DCP1A: variants seen among roughly 807,000 people sequenced by gnomAD.
The protein encoded by DCP1A is decapping mRNA 1A, also known as mRNA-decapping enzyme 1A.
Under a neutral mutation model 58.0 loss-of-function variants are expected in DCP1A, and 20 were observed. The ratio of observed to expected loss-of-function variants is 0.34; its 90% CI spans 0.24 to 0.50. The LOEUF (loss-of-function observed/expected upper bound fraction) is 0.50, where lower values mean the gene tolerates loss of function less well. Ranked by LOEUF, DCP1A falls within the 20% of genes least tolerant of loss-of-function variation. The probability of loss-of-function intolerance (pLI) is 0.98; values close to 1 mark genes in which losing one functional copy is unlikely to be tolerated. For missense variants in DCP1A, 613 were observed against 712.2 expected, an observed-to-expected ratio of 0.86 and a Z score of 1.59; for synonymous variants, 285 against 275.1, an observed-to-expected ratio of 1.04 and a Z score of -0.36.
At chr3:53,314,833 G>A (rs141233085) in intron 4 of DCP1A, among the ~76,000 whole-genome samples, 4 of 151,452 alleles carry the variant, frequency 2.6e-5, no homozygotes, top group Non-Finnish European at 5.9e-5. Flanking sequence ...TATCATGCCC[G>A]GCTAATTTTT....
intron 3 of DCP1A, among the ~76,000 whole-genome samples, chr3:53,337,778 CAT>C (rs1553692097): frequency 6.6e-6 from 1 of 152,224 alleles, no homozygotes; most frequent in African/African-American, 2.4e-5. Context: ...CATGTTAGCA[CAT>C]GAGCTCATGC....
Position 53,292,128 on chromosome 3 carries a change from C to T in DCP1A, c.1324G>A (p.Ala442Thr), listed in dbSNP as rs1553686079. The T allele has an allele frequency of 1.2e-6, 2 of 1,613,878 alleles. No homozygotes were observed. The highest frequency in any genetic ancestry group is 3.3e-5 in the Admixed American group (2 of 60,008). The change falls in exon 7 of 10, where the codon GCA (alanine) becomes ACA (threonine). Residue 442 changes from alanine (A) to threonine (T), a missense_variant. Coordinates refer to ENST00000610213, the MANE Select transcript of DCP1A (RefSeq NM_018403.7). Reference sequence around the variant, plus strand: ...GCTGAGGCCGCCACTCTTGCTGCTGCTGTCTTAGAGGGAGGCTCTATGAAG... The same window carrying T: ...GCTGAGGCCGCCACTCTTGCTGCTGTTGTCTTAGAGGGAGGCTCTATGAAG... ...ESFIEPPSKT[A>T]AARVAASASL...
intron 6 of DCP1A, among the ~76,000 whole-genome samples, chr3:53,294,142 A>G (rs1707033011): frequency 2.0e-5 from 3 of 152,204 alleles, no homozygotes; most frequent in Admixed American, 2.0e-4. Flanking sequence ...TATCTGAGAC[A>G]CGTTAGAGGA....
intron 1 of DCP1A, among the ~76,000 whole-genome samples, chr3:53,346,786 G>A (rs1456438197): frequency 1.3e-5 from 2 of 152,148 alleles, no homozygotes; most frequent in Non-Finnish European, 2.9e-5. Flanking sequence ...CGGGGATCCA[G>A]TGAACACGGA....
At chr3:53,319,199 T>G (rs1465650185) in intron 4 of DCP1A, among the ~76,000 whole-genome samples, 1 of 152,184 alleles carries the variant, frequency 6.6e-6, no homozygotes, top group African/African-American at 2.4e-5. Flanking sequence ...GAAGGAAGAC[T>G]GGAAGGAAAC....
intron 8 of DCP1A, chr3:53,290,525 AG>A (rs1232500826): frequency 1.4e-5 from 8 of 590,606 alleles, no homozygotes; most frequent in African/African-American, 3.7e-5. Context: ...GGCCTAGGAA[AG>A]GCATCTAAGA....
chr3:53,292,348 C>G lies in DCP1A; in HGVS notation c.1104G>C (p.Leu368=). The change falls in exon 7 of 10, where the codon CTG becomes CTC. Residue 368 remains leucine (L), a synonymous_variant. Coordinates refer to ENST00000610213, the MANE Select transcript of DCP1A (RefSeq NM_018403.7). The stretch of plus-strand genomic sequence containing the variant: ...CCCTGAAGGGGCTCTGGTTGGCAAT[C>G]AGACTGGCATGGCTTAGCTCAGGGA... ...QPVPELSHAS[L]IANQSPFRAP... is the part of the protein sequence containing the mutation. The G allele has an allele frequency of 6.2e-7, 1 of 1,612,538 alleles. No homozygotes were observed. The highest frequency in any genetic ancestry group is 8.5e-7 in the Non-Finnish European group (1 of 1,178,766).
intron 6 of DCP1A, 33 bp from the exon 7 acceptor site, chr3:53,292,860 G>A (rs782008606): frequency 2.5e-6 from 4 of 1,573,410 alleles, no homozygotes; most frequent in Non-Finnish European, 3.4e-6. Flanking sequence ...CAGTCAAAGA[G>A]GTCTGTTATA....
chr3:53,297,015 T>G (rs1302237806), intron 6 of DCP1A, among the ~76,000 whole-genome samples: 3 of 152,178 alleles, frequency 2.0e-5, no homozygotes, highest in Admixed American at 1.3e-4. Flanking sequence ...CAATCCAACA[T>G]GGTTGCCAGT....
rs1553684933 is a variant in DCP1A, at chr3:53,284,976, T to C, written c.*2604A>G. ...CTTCTGCCTTAAAGGAACAAGGCTG[T>C]CTGGGAGGCCTGAGAGTCCATTAAA... On this transcript the variant is annotated 3_prime_UTR_variant, in exon 10 of 10. Transcript: ENST00000610213. 5.3e-5 allele frequency: 8 copies of C among 152,128 alleles called. No individual in the cohort carries two copies. The allele number at this position is 152,128 out of a possible 1,614,324, so 9.4% of individuals were successfully genotyped here.
chr3:53,297,262 A>C (rs1235723340), intron 6 of DCP1A, among the ~76,000 whole-genome samples: 2 of 152,040 alleles, frequency 1.3e-5, no homozygotes, highest in African/African-American at 4.8e-5. Context: ...CCCAGTTTTG[A>C]ATTGGGTTAA....
chr3:53,328,160 A>G (rs62257004), intron 3 of DCP1A, among the ~76,000 whole-genome samples: 25,010 of 151,994 alleles, frequency 0.16, 2,552 homozygotes, highest in Middle Eastern at 0.28. Context: ...GAAGCTGAGC[A>G]TGCCTGGAAG....
intron 6 of DCP1A, among the ~76,000 whole-genome samples, chr3:53,299,120 T>C (rs1313770022): frequency 2.0e-5 from 3 of 151,344 alleles, no homozygotes; most frequent in African/African-American, 4.8e-5. Context: ...AAATGACACA[T>C]GATTATACCT....
chr3:53,315,990 G>A (rs782560504), intron 4 of DCP1A, among the ~76,000 whole-genome samples: 62 of 152,058 alleles, frequency 4.1e-4, no homozygotes, highest in Non-Finnish European at 6.3e-4. Context: ...TCCTGACCTC[G>A]TGATACGCCT....
rs545895903 is a variant in DCP1A, at chr3:53,312,250, C to T, written c.501G>A (p.Glu167=). The T allele has an allele frequency of 1.2e-6, 2 of 1,603,860 alleles. No individual in the cohort carries two copies. Among genetic ancestry groups the T allele is most frequent in the Admixed American group, 1.7e-5 (1 of 57,782 alleles). Residue 167 remains glutamate (E), a synonymous_variant, in exon 5 of 10, where the codon GAG becomes GAA. Transcript: ENST00000610213. ...ILEMLSRAKD[E]YERNQMGDSN... ...ACCCAGAGAGCCTCACCCTCTCATA[C>T]TCATCCTTGGCTCTGCTCAGCATCT...
chr3:53,343,453 T>C (rs1553692819), intron 2 of DCP1A, among the ~76,000 whole-genome samples: 1 of 152,216 alleles, frequency 6.6e-6, no homozygotes, highest in East Asian at 1.9e-4. Flanking sequence ...CTAAATCTCC[T>C]ACTTTCTACA....
intron 3 of DCP1A, among the ~76,000 whole-genome samples, chr3:53,324,854 A>AT (rs1389947035): frequency 6.6e-6 from 1 of 151,400 alleles, no homozygotes; most frequent in African/African-American, 2.4e-5. Context: ...GACCTTGTTT[A>AT]TTTTTTAAAA....
chr3:53,330,051 G>A (rs1446943817), intron 3 of DCP1A, among the ~76,000 whole-genome samples: 1 of 152,114 alleles, frequency 6.6e-6, no homozygotes, highest in Non-Finnish European at 1.5e-5. Flanking sequence ...GAAAAAATAT[G>A]TACATACCCT....
In DCP1A at chr3:53,292,279, G is replaced by A. The variant is rs782442232; in HGVS notation, c.1173C>T (p.Ser391=). The part of the protein sequence containing the change: ...VTNTAGTSLP[S]VDLLQKLRLT... ...ACCTGAGTTTCTGGAGAAGATCAACGCTTGGGAGGGATGTGCCAGCTGTGT... is the reference window on the plus strand; with the variant it reads ...ACCTGAGTTTCTGGAGAAGATCAACACTTGGGAGGGATGTGCCAGCTGTGT... Residue 391 remains serine, a synonymous_variant, in exon 7 of 10, where the codon AGC becomes AGT. Coordinates refer to ENST00000610213, the MANE Select transcript of DCP1A (RefSeq NM_018403.7). 7 of 1,613,880 alleles carry A rather than the reference G, an allele frequency of 4.3e-6. No homozygotes were observed. Among genetic ancestry groups the A allele is most frequent in the Non-Finnish European group, 5.9e-6 (7 of 1,179,886 alleles).
Sources: allele counts gnomAD v4.1 joint callset (sites outside exome capture counted in the v4.1 genomes callset), GRCh38; gene constraint gnomAD v4.1.1; transcripts MANE v1.5; gene names NCBI Gene and HGNC (gene_info 2026-07-23, HGNC 2026-07-21).